The following UTP25 variants were observed in gnomAD, a reference collection of about 807,000 sequenced individuals.
The protein encoded by UTP25 is U3 small nucleolar RNA-associated protein 25 homolog.
A neutral mutation model predicts 78.9 loss-of-function variants in UTP25; 50 were observed. The observed-to-expected ratio is 0.63, with a 90% CI of 0.50 to 0.80. UTP25 has a LOEUF of 0.80. UTP25 is among the 30% of genes least tolerant of loss of function. The pLI is 0.00. For synonymous variants in UTP25, 329 were observed against 336.5 expected (o/e 0.98, Z 0.24); for missense variants, 846 against 911.3 (o/e 0.93, Z 0.92).
At chr1:209,845,737 G>A (rs2078193341) in intron 11 of UTP25, among the ~76,000 whole-genome samples, 1 of 151,696 alleles carries the variant, frequency 6.6e-6, no homozygotes, top group Admixed American at 6.6e-5. Context: ...AAGGTTTCCA[G>A]CTATAGAATT....
intron 11 of UTP25, among the ~76,000 whole-genome samples, chr1:209,846,007 TCAC>T (rs2078195212): frequency 6.6e-6 from 1 of 151,844 alleles, no homozygotes; most frequent in Non-Finnish European, 1.5e-5. Context: ...CAGAATTGCA[TCAC>T]CACGCCTGGC....
chr1:209,840,926 C>T lies in UTP25; in HGVS notation c.1356C>T (p.Pro452=), dbSNP rs763279256. The change falls in exon 8 of 12, where the codon CCC becomes CCT. Residue 452 remains proline (P), a synonymous_variant. Coordinates refer to ENST00000491415, the MANE Select transcript of UTP25 (RefSeq NM_014388.7). The part of the protein sequence containing the change: ...FYSSDILIAS[P]LGLRTIIGGE... ...CCTCGGATATCCTCATTGCTTCCCC[C>T]CTGGGCTTGAGGACCATCATTGGTG... 27 of 1,613,822 alleles carry T rather than the reference C, an allele frequency of 1.7e-5. No homozygotes were observed. The highest frequency in any genetic ancestry group is 4.2e-6 in the Non-Finnish European group (5 of 1,179,960).
chr1:209,828,196 C>G (rs746813075), intron 1 of UTP25, 26 bp downstream of exon 1: 12 of 1,570,564 alleles, frequency 7.6e-6, no homozygotes, highest in Non-Finnish European at 8.8e-7. Context: ...GCAGGGCTCC[C>G]CAGTCGCCAG....
In UTP25 at chr1:209,837,146, C is replaced by T. The variant is rs769493074; in HGVS notation, c.997C>T (p.Arg333Ter). ...GGTGCTTGGCAACAATAGCAGACGC[C>T]GAAGCCAGAAGTTTGGAGTGGGTGA... Reference protein sequence around the residue: ...AQVLGNNSRRRSQKFGVGDDD... With the variant: ...AQVLGNNSRR Residue 333 changes from arginine (R) to a stop codon, truncating the protein, a stop_gained, in exon 6 of 12, where the codon CGA (arginine) becomes TGA (stop). Coordinates refer to ENST00000491415, the MANE Select transcript of UTP25 (RefSeq NM_014388.7). LOFTEE classifies it high-confidence loss of function. The T allele has an allele frequency of 8.7e-6, 14 of 1,614,086 alleles. No individual in the cohort carries two copies. The Admixed American group carries it at 1.5e-4, about 17-fold the overall frequency.
At chr1:209,850,596 C>T (rs1195944594) in intron 11 of UTP25, among the ~76,000 whole-genome samples, 2 of 152,230 alleles carry the variant, frequency 1.3e-5, no homozygotes, top group African/African-American at 4.8e-5. Context: ...CCCCCCACCA[C>T]AGGGCGGCAC....
At chr1:209,837,577 C>T (rs1287381670) in intron 6 of UTP25, among the ~76,000 whole-genome samples, 5 of 152,176 alleles carry the variant, frequency 3.3e-5, no homozygotes, top group African/African-American at 9.7e-5. Context: ...CAGCTGTGGA[C>T]AACCCCAAAT....
chr1:209,845,484 G>C (rs1399768703), intron 11 of UTP25, among the ~76,000 whole-genome samples: 1 of 152,206 alleles, frequency 6.6e-6, no homozygotes, highest in Non-Finnish European at 1.5e-5. Flanking sequence ...GCTGGGATGG[G>C]AATTAAGCTC....
rs940327253 is a variant in UTP25, at chr1:209,852,377, C to T, written c.*930C>T. Reference sequence around the variant, plus strand: ...GGTATTGTTTGTGATTAGGAATGCCCCACCAATAAGGATAATGTGAATATT... The same window carrying T: ...GGTATTGTTTGTGATTAGGAATGCCTCACCAATAAGGATAATGTGAATATT... On this transcript the variant is annotated 3_prime_UTR_variant, in exon 12 of 12. Transcript: ENST00000491415. 4 of 152,104 alleles carry T rather than the reference C, an allele frequency of 2.6e-5. No homozygotes were observed. The East Asian group carries it at 7.7e-4, about 29-fold the overall frequency. 9.4% of individuals were successfully genotyped at this position (152,104 alleles called of 1,614,324 possible). A position where few individuals can be genotyped will look rare whatever the true frequency, so the allele number is the denominator to read the frequency against.
At position 209,851,262 on chromosome 1, in the gene UTP25, T is replaced by C; in HGVS notation, c.2086T>C (p.Phe696Leu). ...CTATGAACTGCCGACATATCCACAC[T>C]TTTACAGTGAAATCTGTAATATGCT... The part of the protein sequence containing the change: ...IFYELPTYPH[F>L]YSEICNMLRA... Residue 696 changes from phenylalanine (F) to leucine (L), a missense_variant, in exon 12 of 12, where the codon TTT becomes CTT. By Grantham distance (22) the Phe-to-Leu change is conservative. Coordinates refer to ENST00000491415, the MANE Select transcript of UTP25 (RefSeq NM_014388.7). The C allele has an allele frequency of 6.2e-7, 1 of 1,614,166 alleles. No homozygotes were observed. Among genetic ancestry groups the C allele is most frequent in the East Asian group, 2.2e-5 (1 of 44,886 alleles).
intron 11 of UTP25, among the ~76,000 whole-genome samples, chr1:209,846,997 T>C (rs997498307): frequency 6.6e-6 from 1 of 152,014 alleles, no homozygotes; most frequent in Non-Finnish European, 1.5e-5. Flanking sequence ...ATCTTTTTTA[T>C]GTGAAAAATG....
At chr1:209,845,313 C>T (rs1413686407) in intron 11 of UTP25, among the ~76,000 whole-genome samples, 2 of 152,180 alleles carry the variant, frequency 1.3e-5, no homozygotes, top group Non-Finnish European at 2.9e-5. Context: ...AGTAAGTTGT[C>T]GTTTCCATTC....
At position 209,854,032 on chromosome 1, in the gene UTP25, T is replaced by C. The variant is rs1047170621; in HGVS notation, c.*2585T>C. The C allele has an allele frequency of 2.6e-5, 4 of 152,162 alleles. No individual in the cohort carries two copies. Among genetic ancestry groups the C allele is most frequent in the Non-Finnish European group, 5.9e-5 (4 of 68,022 alleles). 9.4% of individuals were successfully genotyped at this position (152,162 alleles called of 1,614,324 possible). ...TGCAGAGTGGAGTCTCTGCAATGGT[T>C]TTATTAAAAGGATGCCTTGAAGATC... On this transcript the variant is annotated 3_prime_UTR_variant, in exon 12 of 12. Coordinates refer to ENST00000491415, the MANE Select transcript of UTP25 (RefSeq NM_014388.7).
At chr1:209,831,145 A>G (rs892686773) in intron 3 of UTP25, 102 bp downstream of exon 3, 11 of 1,226,756 alleles carry the variant, frequency 9.0e-6, no homozygotes, top group Non-Finnish European at 1.3e-5. Flanking sequence ...ATGAAAGGAC[A>G]TGAATCCAAA....
rs1405637744 is a variant in UTP25 at position 209,828,648 on chromosome 1, C to T, written c.107+478C>T. Among the ~76,000 whole-genome samples the T allele has an allele frequency of 5.9e-5, 9 of 151,704 alleles. No individual in the cohort carries two copies. The East Asian group carries it at 1.6e-3, about 26-fold the overall frequency. On this transcript the variant is annotated intron_variant, in intron 1 of 11. Coordinates refer to ENST00000491415, the MANE Select transcript of UTP25 (RefSeq NM_014388.7). ...TGAACTCCTGACCTCAGGTGATCCA[C>T]CCACCTCGGCCTCCCAAAGTGCTGG...
chr1:209,838,865 TC>T (rs1558053794), intron 6 of UTP25, 43 bp from the exon 7 acceptor site: 1 of 1,599,770 alleles, frequency 6.3e-7, no homozygotes, highest in Non-Finnish European at 8.6e-7. Flanking sequence ...AAGATCCTGT[TC>T]CTTCCTCTTA....
intron 10 of UTP25, 148 bp from the exon 11 acceptor site, chr1:209,843,303 T>C (rs2078177704): frequency 1.1e-6 from 1 of 909,300 alleles, no homozygotes; most frequent in Middle Eastern, 2.2e-4. Flanking sequence ...TATCCTTACA[T>C]AATCTCTTTG....
chr1:209,830,179 G>A, intron 2 of UTP25, 32 bp downstream of exon 2: 2 of 1,594,020 alleles, frequency 1.3e-6, no homozygotes, highest in Non-Finnish European at 1.7e-6. Context: ...TTAATAGTTG[G>A]TTTTGGGTTG....
At chr1:209,850,351 G>A (rs568263429) in intron 11 of UTP25, among the ~76,000 whole-genome samples, 2 of 152,254 alleles carry the variant, frequency 1.3e-5, no homozygotes, top group South Asian at 4.2e-4. Context: ...GGAAAGGAAG[G>A]TCTCCAGAGA....
At chr1:209,829,780 C>T (rs1341281287) in intron 1 of UTP25, among the ~76,000 whole-genome samples, 3 of 152,128 alleles carry the variant, frequency 2.0e-5, no homozygotes, top group Non-Finnish European at 4.4e-5. Flanking sequence ...GCCACCGCTC[C>T]CAGCTTAGAG....
Sources: allele counts gnomAD v4.1 joint callset (sites outside exome capture counted in the v4.1 genomes callset), GRCh38; gene constraint gnomAD v4.1.1; transcripts MANE v1.5; gene names NCBI Gene and HGNC (gene_info 2026-07-23, HGNC 2026-07-21).